Variants in DCDC1 observed in about 807,000 individuals in gnomAD.
DCDC1 encodes doublecortin domain containing 1.
In DCDC1, 200 loss-of-function variants were observed where a neutral mutation model predicts 178.3. That is an observed-to-expected ratio of 1.12 (90% CI 1.00 to 1.26). The LOEUF is 1.26. DCDC1 is among the 50% of genes most tolerant of loss of function. The pLI is 0.00. For synonymous variants in DCDC1, 690 were observed against 604.8 expected (o/e 1.14, Z -2.07); for missense variants, 1,983 against 1,749.2 (o/e 1.13, Z -2.38).
At chr11:31,135,469 A>C (rs1199272371) in intron 10 of DCDC1, among the ~76,000 whole-genome samples, 1 of 152,218 alleles carries the variant, frequency 6.6e-6, no homozygotes. Flanking sequence ...CAAGAGAGTT[A>C]TGTTAGTGGT....
At chr11:31,037,432 C>CT (rs398055131) in intron 20 of DCDC1, among the ~76,000 whole-genome samples, 3,870 of 58,890 alleles carry the variant, frequency 0.066, 104 homozygotes, top group African/African-American at 0.13. Flanking sequence ...ATATTTCTTT[C>CT]TTTTTTTTTT....
At chr11:31,273,297 G>T (rs1003995048) in intron 7 of DCDC1, among the ~76,000 whole-genome samples, 1 of 152,112 alleles carries the variant, frequency 6.6e-6, no homozygotes, top group South Asian at 2.1e-4. Context: ...TTTATGCTCT[G>T]CTTCCTTTAT....
intron 1 of DCDC1, among the ~76,000 whole-genome samples, chr11:31,367,501 G>T (rs1181128143): frequency 3.3e-5 from 5 of 152,146 alleles, no homozygotes; most frequent in Non-Finnish European, 7.3e-5. Context: ...GAGATAATAG[G>T]GGAGGTTGGA....
intron 8 of DCDC1, among the ~76,000 whole-genome samples, chr11:31,257,197 T>C (rs1431161082): frequency 6.6e-6 from 1 of 152,232 alleles, no homozygotes; most frequent in Non-Finnish European, 1.5e-5. Flanking sequence ...GCATTACATC[T>C]GCTGCCTTCA....
chr11:31,265,480 A>G, intron 8 of DCDC1, 27 bp downstream of exon 8: 1 of 1,247,098 alleles, frequency 8.0e-7, no homozygotes. Context: ...ATATTATCAA[A>G]TGGTTTACAA....
At chr11:31,005,944 T>G (rs1222528528) in intron 20 of DCDC1, among the ~76,000 whole-genome samples, 1 of 143,074 alleles carries the variant, frequency 7.0e-6, no homozygotes, top group African/African-American at 2.6e-5. Flanking sequence ...CATATAGCTC[T>G]TATTCCTGAA....
chr11:31,131,710 T>A (rs1962464641), intron 10 of DCDC1, among the ~76,000 whole-genome samples: 1 of 152,200 alleles, frequency 6.6e-6, no homozygotes, highest in Non-Finnish European at 1.5e-5. Flanking sequence ...ATCTCCAGCA[T>A]CATGTGATTT....
At chr11:31,115,820 A>G (rs1959817456) in intron 11 of DCDC1, among the ~76,000 whole-genome samples, 1 of 152,054 alleles carries the variant, frequency 6.6e-6, no homozygotes, top group African/African-American at 2.4e-5. Flanking sequence ...CTGGGAAGGT[A>G]CTTAAGGTTG....
chr11:31,292,177 T>C (rs1003481322), intron 6 of DCDC1, among the ~76,000 whole-genome samples: 13 of 152,168 alleles, frequency 8.5e-5, no homozygotes, highest in African/African-American at 2.9e-4. Context: ...TAACAGCAAT[T>C]TGTTACTCTG....
chr11:31,243,949 T>A (rs929091256), intron 8 of DCDC1, among the ~76,000 whole-genome samples: 2 of 151,728 alleles, frequency 1.3e-5, no homozygotes, highest in African/African-American at 4.8e-5. Flanking sequence ...AACTAGGGAT[T>A]AGAAGGCTCT....
intron 11 of DCDC1, among the ~76,000 whole-genome samples, chr11:31,116,355 T>C (rs1565305287): frequency 6.6e-6 from 1 of 151,774 alleles, no homozygotes; most frequent in South Asian, 2.1e-4. Flanking sequence ...ACACAAAAAT[T>C]AAAGTGAAAT....
chr11:31,310,629 C>T (rs1047711911), intron 3 of DCDC1, among the ~76,000 whole-genome samples: 1 of 152,008 alleles, frequency 6.6e-6, no homozygotes, highest in African/African-American at 2.4e-5. Context: ...TACACACTCT[C>T]AAACTCATCT....
chr11:31,247,471 T>C, intron 8 of DCDC1, among the ~76,000 whole-genome samples: 1 of 151,826 alleles, frequency 6.6e-6, no homozygotes, highest in South Asian at 2.1e-4. Context: ...TTCATCAGAT[T>C]TGGGGGTTAA....
chr11:31,360,225 T>A (rs982111946), intron 1 of DCDC1, among the ~76,000 whole-genome samples: 2 of 152,184 alleles, frequency 1.3e-5, no homozygotes, highest in African/African-American at 4.8e-5. Flanking sequence ...AATGCCACAG[T>A]TAGACAGCCC....
At chr11:30,929,381 C>T (rs1946786855) in intron 22 of DCDC1, among the ~76,000 whole-genome samples, 1 of 152,102 alleles carries the variant, frequency 6.6e-6, no homozygotes, top group Non-Finnish European at 1.5e-5. Flanking sequence ...GTGGAATACA[C>T]AGTAGACACA....
chr11:30,991,335 A>C (rs1293856987), intron 20 of DCDC1, among the ~76,000 whole-genome samples: 1 of 152,180 alleles, frequency 6.6e-6, no homozygotes, highest in Non-Finnish European at 1.5e-5. Flanking sequence ...CATAATAATA[A>C]ATAAAAAGAC....
intron 9 of DCDC1, among the ~76,000 whole-genome samples, chr11:31,213,642 C>A (rs1973133680): frequency 6.6e-6 from 1 of 151,746 alleles, no homozygotes; most frequent in Admixed American, 6.6e-5. Flanking sequence ...ATCACTTAAA[C>A]CCGGGAGATG....
intron 9 of DCDC1, among the ~76,000 whole-genome samples, chr11:31,227,345 A>T (rs1294311576): frequency 6.6e-6 from 1 of 152,068 alleles, no homozygotes; most frequent in Non-Finnish European, 1.5e-5. Context: ...GCAAGAGAGA[A>T]GGGGGAAGTT....
At chr11:31,133,860 T>G (rs992002790) in intron 10 of DCDC1, among the ~76,000 whole-genome samples, 1 of 152,132 alleles carries the variant, frequency 6.6e-6, no homozygotes, top group African/African-American at 2.4e-5. Flanking sequence ...TGCACCAGCA[T>G]GCTCAGCTAA....
Sources: allele counts gnomAD v4.1 joint callset (sites outside exome capture counted in the v4.1 genomes callset), GRCh38; gene constraint gnomAD v4.1.1; transcripts MANE v1.5; gene names NCBI Gene and HGNC (gene_info 2026-07-23, HGNC 2026-07-21).